Variants in MAP4K4 observed in about 807,000 individuals in gnomAD.
MAP4K4 encodes the protein mitogen-activated protein kinase kinase kinase kinase 4, also known as HPK/GCK-like kinase HGK.
A neutral mutation model predicts 189.6 loss-of-function variants in MAP4K4; 38 were observed. The ratio of observed to expected loss-of-function variants is 0.20; its 90% CI spans 0.15 to 0.26. The LOEUF is 0.26. Ranked by LOEUF, MAP4K4 falls within the 10% of genes least tolerant of loss-of-function variation. The probability of loss-of-function intolerance (pLI) is 1.00; values close to 1 mark genes in which losing one functional copy is unlikely to be tolerated. For synonymous variants in MAP4K4, 610 were observed against 624.3 expected (o/e 0.98, Z 0.34); for missense variants, 1,054 against 1,726.9 (o/e 0.61, Z 6.91).
chr2:101,832,902 T>C (rs2096630806), intron 7 of MAP4K4, among the ~76,000 whole-genome samples: 1 of 152,158 alleles, frequency 6.6e-6, no homozygotes, highest in Non-Finnish European at 1.5e-5. Context: ...TTATGTCATT[T>C]AGTTTGTTTC....
intron 28 of MAP4K4, among the ~76,000 whole-genome samples, chr2:101,883,093 CT>C (rs2098425816): frequency 6.6e-6 from 1 of 152,180 alleles, no homozygotes; most frequent in African/African-American, 2.4e-5. Flanking sequence ...ACATGCCAGG[CT>C]TATTCTCCAC....
intron 13 of MAP4K4, 119 bp downstream of exon 13, chr2:101,856,257 A>G: frequency 2.3e-6 from 2 of 881,164 alleles, no homozygotes; most frequent in East Asian, 2.7e-5. Context: ...ACACATACAC[A>G]TATACTTAGA....
At chr2:101,786,019 T>G (rs1194987068) in intron 2 of MAP4K4, among the ~76,000 whole-genome samples, 1 of 152,040 alleles carries the variant, frequency 6.6e-6, no homozygotes, top group Admixed American at 6.6e-5. Context: ...AGAGATGGGG[T>G]TTCACCATGT....
At chr2:101,852,146 T>G (rs187965574) in intron 12 of MAP4K4, among the ~76,000 whole-genome samples, 1,632 of 152,080 alleles carry the variant, frequency 0.011, 28 homozygotes, top group African/African-American at 0.032. Flanking sequence ...TGTTTTTTTT[T>G]TTTGTTTTTA....
At chr2:101,782,660 T>C (rs912913977) in intron 2 of MAP4K4, among the ~76,000 whole-genome samples, 2 of 152,160 alleles carry the variant, frequency 1.3e-5, no homozygotes, top group African/African-American at 4.8e-5. Flanking sequence ...GGCTCATGTT[T>C]CCTTACTCCT....
intron 27 of MAP4K4, among the ~76,000 whole-genome samples, chr2:101,880,304 G>A (rs1007056301): frequency 2.0e-5 from 3 of 152,082 alleles, no homozygotes; most frequent in Non-Finnish European, 2.9e-5. Context: ...TTACCTTCTA[G>A]AATCTGCTTT....
intron 20 of MAP4K4, 93 bp from the exon 21 acceptor site, chr2:101,867,936 C>G: frequency 1.6e-6 from 2 of 1,218,298 alleles, no homozygotes; most frequent in South Asian, 1.3e-5. Flanking sequence ...CTGTACTTCT[C>G]CCTCTCCCCT....
rs377621426 is a variant in MAP4K4, at chr2:101,870,411, G to A, written c.2756G>A (p.Arg919His). ...TCCAAGGAGGGCACTCTAATCGTCC[G>A]CCAGGTACCCGTGTCTTCTCTGTTG... The change falls in exon 23 of 33, where the codon CGC (arginine) becomes CAC (histidine). Residue 919 changes from arginine to histidine, a missense_variant. By Grantham distance (29) the Arg-to-His change is conservative. Coordinates refer to ENST00000324219, the Ensembl canonical transcript of MAP4K4. The A allele has an allele frequency of 1.1e-5, 17 of 1,613,334 alleles. No homozygotes were observed. In the African/African-American group the frequency reaches 1.1e-4, roughly 10 times the overall value.
At chr2:101,885,978 GT>G (rs1424143588) in intron 29 of MAP4K4, among the ~76,000 whole-genome samples, 2 of 152,086 alleles carry the variant, frequency 1.3e-5, no homozygotes, top group African/African-American at 4.8e-5. Context: ...TTTTAGAATA[GT>G]TTTTTTATAT....
Position 101,860,747 on chromosome 2 carries a change from TC to T in MAP4K4, c.1705-76del. The T allele has an allele frequency of 6.5e-6, 8 of 1,235,034 alleles. No individual in the cohort carries two copies. The South Asian group carries it at 1.3e-4, about 20-fold the overall frequency. 76.5% of individuals were successfully genotyped at this position (1,235,034 alleles called of 1,614,324 possible). ...ACAGAAAACTTACCTTTAGATTTCT[TC>T]CACTTTTAGACTTTCTTTGATATTT... is the stretch of plus-strand genomic sequence containing the variant. On this transcript the variant is annotated intron_variant, in intron 15 of 32. Coordinates refer to ENST00000324219, the Ensembl canonical transcript of MAP4K4.
At chr2:101,851,810 G>A (rs1177209180) in intron 12 of MAP4K4, among the ~76,000 whole-genome samples, 6 of 146,844 alleles carry the variant, frequency 4.1e-5, no homozygotes, top group African/African-American at 1.5e-4. Flanking sequence ...CTTGCTTAGT[G>A]GGATAGTCTT....
At chr2:101,815,245 A>G (rs1420262061) in intron 3 of MAP4K4, among the ~76,000 whole-genome samples, 1 of 152,202 alleles carries the variant, frequency 6.6e-6, no homozygotes, top group African/African-American at 2.4e-5. Context: ...GTAGGAACAG[A>G]TGACCTGTAT....
chr2:101,786,263 A>G (rs2091193421), intron 2 of MAP4K4, among the ~76,000 whole-genome samples: 1 of 152,266 alleles, frequency 6.6e-6, no homozygotes, highest in South Asian at 2.1e-4. Context: ...ATTTAAAACC[A>G]TGTGGGATGG....
intron 6 of MAP4K4, among the ~76,000 whole-genome samples, chr2:101,829,929 A>G (rs926579803): frequency 2.6e-5 from 4 of 152,232 alleles, no homozygotes; most frequent in Non-Finnish European, 4.4e-5. Flanking sequence ...AAAGCCATGT[A>G]GGATCTGACC....
At chr2:101,735,084 G>A (rs2059844258) in intron 2 of MAP4K4, among the ~76,000 whole-genome samples, 1 of 152,130 alleles carries the variant, frequency 6.6e-6, no homozygotes, top group South Asian at 2.1e-4. Flanking sequence ...CAGCACGAAA[G>A]CCCTTTATTT....
intron 16 of MAP4K4, chr2:101,861,198 G>A: frequency 2.4e-6 from 1 of 410,324 alleles, no homozygotes. Context: ...CTCATTAAGA[G>A]TATCTAGAGT....
At chr2:101,741,863 T>C (rs1383209437) in intron 2 of MAP4K4, among the ~76,000 whole-genome samples, 2 of 152,118 alleles carry the variant, frequency 1.3e-5, no homozygotes, top group African/African-American at 4.8e-5. Flanking sequence ...AATTGAAAAA[T>C]TGGTTACACG....
chr2:101,812,436 C>G (rs984731292), intron 3 of MAP4K4, among the ~76,000 whole-genome samples: 2 of 152,180 alleles, frequency 1.3e-5, no homozygotes, highest in Non-Finnish European at 2.9e-5. Flanking sequence ...CCTGCAGCCT[C>G]CAGTCCACCT....
chr2:101,820,827 A>G (rs1174696359), intron 3 of MAP4K4, among the ~76,000 whole-genome samples: 1 of 152,192 alleles, frequency 6.6e-6, no homozygotes. Context: ...GTGCCCCATG[A>G]CAGCAAGCCC....
Sources: allele counts gnomAD v4.1 joint callset (sites outside exome capture counted in the v4.1 genomes callset), GRCh38; gene constraint gnomAD v4.1.1; transcripts MANE v1.5; gene names NCBI Gene and HGNC (gene_info 2026-07-23, HGNC 2026-07-21).